The following NELL1 variants were observed in gnomAD, a reference collection of about 807,000 sequenced individuals.
NELL1 encodes the protein neural EGFL like 1, also known as protein kinase C-binding protein NELL1.
In NELL1, 76 loss-of-function variants were observed where a neutral mutation model predicts 107.4. That is an observed-to-expected ratio of 0.71 (90% CI 0.59 to 0.86). The LOEUF (loss-of-function observed/expected upper bound fraction) is 0.86, where lower values mean the gene tolerates loss of function less well. NELL1 is among the 40% of genes least tolerant of loss of function. The pLI is 0.00. For missense variants in NELL1, 1,024 were observed against 1,005.5 expected, an observed-to-expected ratio of 1.02 and a Z score of -0.25; for synonymous variants, 353 against 341.2, an observed-to-expected ratio of 1.03 and a Z score of -0.38.
rs146789961 is a variant in NELL1 at position 21,031,675 on chromosome 11, A to AT, written c.1300+71124dup. Among the ~76,000 whole-genome samples, 533 of 151,756 alleles carry AT rather than the reference A, an allele frequency of 3.5e-3. 2 individuals carry two copies. Among genetic ancestry groups the AT allele is most frequent in the Non-Finnish European group, 5.6e-3 (378 of 67,918 alleles). ...TTCTTAACATTTCTTAGTGTAGCAG[A>AT]TTTTTTTTTAAGTGGGGCATATTAC... is the stretch of plus-strand genomic sequence containing the variant. On this transcript the variant is annotated intron_variant, in intron 12 of 19. Coordinates refer to ENST00000357134, the MANE Select transcript of NELL1 (RefSeq NM_006157.5).
intron 13 of NELL1, among the ~76,000 whole-genome samples, chr11:21,168,865 G>T (rs934741037): frequency 3.3e-5 from 5 of 151,884 alleles, no homozygotes; most frequent in African/African-American, 1.2e-4. Flanking sequence ...GATTTTGTGA[G>T]ATCAGGTGGC....
intron 15 of NELL1, among the ~76,000 whole-genome samples, chr11:21,516,083 G>C (rs959992425): frequency 6.6e-6 from 1 of 152,132 alleles, no homozygotes; most frequent in Non-Finnish European, 1.5e-5. Context: ...TGGAAGAAAG[G>C]GGCAACTTTG....
chr11:21,418,802 C>T (rs1852583783), intron 15 of NELL1, among the ~76,000 whole-genome samples: 1 of 152,058 alleles, frequency 6.6e-6, no homozygotes, highest in Non-Finnish European at 1.5e-5. Flanking sequence ...AAAATCTGTG[C>T]CTTGAAGATA....
intron 14 of NELL1, among the ~76,000 whole-genome samples, chr11:21,320,502 C>T (rs903212768): frequency 2.6e-5 from 4 of 152,146 alleles, no homozygotes; most frequent in African/African-American, 9.7e-5. Context: ...TGGCAAGGAA[C>T]TCAATGCACT....
intron 12 of NELL1, among the ~76,000 whole-genome samples, chr11:20,983,117 C>A (rs1175464047): frequency 6.6e-6 from 1 of 152,160 alleles, no homozygotes; most frequent in Non-Finnish European, 1.5e-5. Flanking sequence ...TATTGAGCCT[C>A]TGGGGACCTG....
intron 4 of NELL1, among the ~76,000 whole-genome samples, chr11:20,853,218 G>T (rs1466344722): frequency 6.6e-6 from 1 of 152,142 alleles, no homozygotes; most frequent in Admixed American, 6.5e-5. Context: ...AGTGAGGGAA[G>T]GTCTGTAGGG....
chr11:21,376,991 G>C (rs1473931880), intron 15 of NELL1, among the ~76,000 whole-genome samples: 1 of 151,876 alleles, frequency 6.6e-6, no homozygotes, highest in Non-Finnish European at 1.5e-5. Flanking sequence ...TGTGCATGGA[G>C]AGAGACAGTT....
intron 12 of NELL1, among the ~76,000 whole-genome samples, chr11:21,095,984 T>A (rs1854632430): frequency 6.6e-6 from 1 of 152,014 alleles, no homozygotes; most frequent in African/African-American, 2.4e-5. Flanking sequence ...AACCATCAGA[T>A]CTCATAAGAC....
intron 12 of NELL1, among the ~76,000 whole-genome samples, chr11:21,006,331 TG>T (rs1298652956): frequency 1.3e-5 from 2 of 152,154 alleles, no homozygotes; most frequent in African/African-American, 4.8e-5. Flanking sequence ...CACCATGCGA[TG>T]CCTTCTGCCA....
intron 13 of NELL1, among the ~76,000 whole-genome samples, chr11:21,146,477 G>A (rs927616237): frequency 2.6e-5 from 4 of 152,130 alleles, no homozygotes; most frequent in South Asian, 2.1e-4. Flanking sequence ...CATTATAGTC[G>A]CCTTTATCAC....
At chr11:21,494,765 T>C (rs1854931645) in intron 15 of NELL1, among the ~76,000 whole-genome samples, 2 of 152,150 alleles carry the variant, frequency 1.3e-5, no homozygotes, top group South Asian at 2.1e-4. Flanking sequence ...TATACAGTAT[T>C]GTAAACAAAT....
At chr11:20,894,900 G>A (rs575002366) in intron 5 of NELL1, among the ~76,000 whole-genome samples, 4 of 152,162 alleles carry the variant, frequency 2.6e-5, no homozygotes, top group South Asian at 2.1e-4. Flanking sequence ...TCAAGTCAAC[G>A]TATTTAGGGT....
At chr11:21,569,747 G>GAGAT (rs1295907192) in intron 17 of NELL1, among the ~76,000 whole-genome samples, 1 of 151,790 alleles carries the variant, frequency 6.6e-6, no homozygotes, top group Non-Finnish European at 1.5e-5. Flanking sequence ...AACATGTACA[G>GAGAT]AGATGCACAC....
chr11:21,007,112 C>A (rs1852343868), intron 12 of NELL1, among the ~76,000 whole-genome samples: 1 of 152,150 alleles, frequency 6.6e-6, no homozygotes, highest in South Asian at 2.1e-4. Context: ...AGGAAGGATT[C>A]TATTCCAGAC....
At chr11:21,192,134 A>G (rs1857063052) in intron 13 of NELL1, among the ~76,000 whole-genome samples, 2 of 151,850 alleles carry the variant, frequency 1.3e-5, no homozygotes, top group African/African-American at 4.9e-5. Flanking sequence ...TTTATTTCAT[A>G]TGGCAGGGAT....
At chr11:21,573,442 G>T (rs1467334949) in intron 19 of NELL1, 33 bp downstream of exon 19, 1 of 1,585,288 alleles carries the variant, frequency 6.3e-7, no homozygotes, top group Admixed American at 1.7e-5. Context: ...TTGAAGCCTT[G>T]AACAATTGCC....
intron 13 of NELL1, among the ~76,000 whole-genome samples, chr11:21,221,541 T>A (rs77959175): frequency 0.037 from 5,683 of 152,298 alleles, 132 homozygotes; most frequent in Middle Eastern, 0.071. Context: ...ATTTTTTTGT[T>A]ACTGTTTCAA....
At chr11:20,814,171 T>G (rs542368786) in intron 3 of NELL1, among the ~76,000 whole-genome samples, 72 of 152,092 alleles carry the variant, frequency 4.7e-4, no homozygotes, top group African/African-American at 1.4e-3. Context: ...AATTTTTGCA[T>G]TTTTAGTAGA....
At chr11:20,743,026 A>G (rs957733637) in intron 2 of NELL1, among the ~76,000 whole-genome samples, 6 of 152,148 alleles carry the variant, frequency 3.9e-5, no homozygotes, top group African/African-American at 1.4e-4. Flanking sequence ...CAAAGACTCT[A>G]GAAAGCTCAA....
Sources: allele counts gnomAD v4.1 joint callset (sites outside exome capture counted in the v4.1 genomes callset), GRCh38; gene constraint gnomAD v4.1.1; transcripts MANE v1.5; gene names NCBI Gene and HGNC (gene_info 2026-07-23, HGNC 2026-07-21).